TRPC6: variants seen among roughly 807,000 people sequenced by gnomAD.
TRPC6 encodes short transient receptor potential channel 6.
A neutral mutation model predicts 90.7 loss-of-function variants in TRPC6; 55 were observed. That is an observed-to-expected ratio of 0.61 (90% CI 0.49 to 0.76). The LOEUF (loss-of-function observed/expected upper bound fraction) is 0.76, where lower values mean the gene tolerates loss of function less well. Among genes scored for constraint, TRPC6 ranks in the 30% least tolerant of loss-of-function variants. TRPC6 has a pLI of 0.00. For missense variants in TRPC6, 989 were observed against 1,122.7 expected, an observed-to-expected ratio of 0.88 and a Z score of 1.70; for synonymous variants, 393 against 393.0, an observed-to-expected ratio of 1.00 and a Z score of 0.00.
At chr11:101,562,241 A>T (rs1163345032) in intron 1 of TRPC6, among the ~76,000 whole-genome samples, 1 of 152,204 alleles carries the variant, frequency 6.6e-6, no homozygotes, top group Non-Finnish European at 1.5e-5. Context: ...GTAACAGAAG[A>T]AAGGAATACA....
intron 1 of TRPC6, among the ~76,000 whole-genome samples, chr11:101,533,557 T>C (rs1860961985): frequency 6.6e-6 from 1 of 151,924 alleles, no homozygotes; most frequent in Non-Finnish European, 1.5e-5. Context: ...CAGGGACAAA[T>C]ATGCAAACCA....
Position 101,504,796 on chromosome 11 carries a change from C to G in TRPC6, c.173G>C (p.Arg58Pro). 6.2e-7 allele frequency: 1 copy of G among 1,611,296 alleles called. No individual in the cohort carries two copies. Among genetic ancestry groups the G allele is most frequent in the Non-Finnish European group, 8.5e-7 (1 of 1,178,878 alleles). ...GTGAGCCAGTCTGTTGTCAGATCCC[C>G]GGCTGCAATAAAACAGAAAGATTGT... ...LPCYGYYPCFRGSDNRLAHRR... is the reference protein window; with the variant it reads ...LPCYGYYPCFPGSDNRLAHRR... Residue 58 changes from arginine (R) to proline (P), a missense_variant and splice_region_variant, in exon 2 of 13, where the codon CGG becomes CCG. Physicochemically the swap from Arg to Pro is moderately radical, Grantham distance 103. Coordinates refer to ENST00000344327, the MANE Select transcript of TRPC6 (RefSeq NM_004621.6).
intron 4 of TRPC6, among the ~76,000 whole-genome samples, chr11:101,484,998 T>C (rs1457928340): frequency 6.6e-6 from 1 of 152,100 alleles, no homozygotes; most frequent in Non-Finnish European, 1.5e-5. Flanking sequence ...TTCAATATCC[T>C]GTTTATAGAA....
At chr11:101,534,487 A>G (rs7931676) in intron 1 of TRPC6, among the ~76,000 whole-genome samples, 33,418 of 151,984 alleles carry the variant, frequency 0.22, 4,770 homozygotes, top group Non-Finnish European at 0.32. Context: ...CTAAAGTATC[A>G]TTTCAAGATA....
intron 1 of TRPC6, among the ~76,000 whole-genome samples, chr11:101,529,654 G>A (rs1352056331): frequency 6.6e-6 from 1 of 152,176 alleles, no homozygotes; most frequent in East Asian, 1.9e-4. Flanking sequence ...CTATGTACAG[G>A]CCAGGTACAA....
At chr11:101,504,830 C>G (rs1428772769) in intron 1 of TRPC6, 32 bp from the exon 2 acceptor site, 1 of 1,609,212 alleles carries the variant, frequency 6.2e-7, no homozygotes, top group Non-Finnish European at 8.5e-7. Context: ...GTAAACAAAT[C>G]ACATTAAGAG....
At chr11:101,548,273 A>ATATATAT (rs60683926) in intron 1 of TRPC6, among the ~76,000 whole-genome samples, 3 of 136,146 alleles carry the variant, frequency 2.2e-5, no homozygotes, top group African/African-American at 2.7e-5. Flanking sequence ...ATATATATAT[A>ATATATAT]ATTTATATAT....
intron 1 of TRPC6, among the ~76,000 whole-genome samples, chr11:101,510,628 ACCACC>A: frequency 6.6e-6 from 1 of 152,268 alleles, no homozygotes; most frequent in African/African-American, 2.4e-5. Flanking sequence ...GTAATTAGCC[ACCACC>A]CCTATGGCAC....
At chr11:101,473,861 A>G (rs1452929276) in intron 6 of TRPC6, 88 bp from the exon 7 acceptor site, 1 of 1,585,242 alleles carries the variant, frequency 6.3e-7, no homozygotes, top group South Asian at 1.1e-5. Context: ...AAATATAGTT[A>G]TGTTAGAATC....
At position 101,452,867 on chromosome 11, in the gene TRPC6, G is replaced by A. The variant is rs1209285941; in HGVS notation, c.*88C>T. The A allele has an allele frequency of 6.8e-7, 1 of 1,463,486 alleles. No homozygotes were observed. The highest frequency in any genetic ancestry group is 1.4e-5 in the African/African-American group (1 of 71,236). 90.7% of individuals were successfully genotyped at this position (1,463,486 alleles called of 1,614,324 possible). ...TTTAACGTTTTCTTGTTTAAAAGGTGGGCCCATTGGCACTTAAGAAAATAA... is the reference window on the plus strand; with the variant it reads ...TTTAACGTTTTCTTGTTTAAAAGGTAGGCCCATTGGCACTTAAGAAAATAA... On this transcript the variant is annotated 3_prime_UTR_variant, in exon 13 of 13. Coordinates refer to ENST00000344327, the MANE Select transcript of TRPC6 (RefSeq NM_004621.6).
chr11:101,478,681 C>G (rs1859472947), intron 5 of TRPC6, among the ~76,000 whole-genome samples: 1 of 152,164 alleles, frequency 6.6e-6, no homozygotes, highest in Admixed American at 6.5e-5. Context: ...AAGCTTGCCC[C>G]AGGCAGGAGA....
At chr11:101,558,152 C>T (rs997464816) in intron 1 of TRPC6, among the ~76,000 whole-genome samples, 7 of 150,936 alleles carry the variant, frequency 4.6e-5, no homozygotes, top group African/African-American at 1.7e-4. Context: ...GAGCAAAGTA[C>T]TGGCAAATAC....
intron 1 of TRPC6, among the ~76,000 whole-genome samples, chr11:101,526,566 T>A (rs1017678000): frequency 2.6e-5 from 4 of 152,016 alleles, no homozygotes; most frequent in African/African-American, 9.7e-5. Flanking sequence ...GAAGATGATT[T>A]AATTAAATAG....
intron 1 of TRPC6, among the ~76,000 whole-genome samples, chr11:101,506,733 C>T (rs1290216064): frequency 6.6e-6 from 1 of 152,012 alleles, no homozygotes; most frequent in Non-Finnish European, 1.5e-5. Flanking sequence ...AAGAGAATAG[C>T]ATCTGTAACT....
chr11:101,476,163 A>T, intron 6 of TRPC6, 138 bp downstream of exon 6: 1 of 718,576 alleles, frequency 1.4e-6, no homozygotes, highest in Admixed American at 2.4e-5. Flanking sequence ...TCACATATAG[A>T]TGCTCATTCT....
chr11:101,464,847 G>A (rs1489054623), intron 10 of TRPC6, among the ~76,000 whole-genome samples: 1 of 152,090 alleles, frequency 6.6e-6, no homozygotes, highest in Non-Finnish European at 1.5e-5. Flanking sequence ...ATACTAGCTG[G>A]TTATTGTGCC....
intron 3 of TRPC6, among the ~76,000 whole-genome samples, chr11:101,490,291 G>T (rs1859774843): frequency 6.6e-6 from 1 of 152,110 alleles, no homozygotes; most frequent in Non-Finnish European, 1.5e-5. Flanking sequence ...ATATAAAGTT[G>T]TCCAAGAAAG....
At chr11:101,507,708 AT>A (rs1348671444) in intron 1 of TRPC6, among the ~76,000 whole-genome samples, 1 of 152,132 alleles carries the variant, frequency 6.6e-6, no homozygotes, top group Non-Finnish European at 1.5e-5. Context: ...ATTGAGAAGC[AT>A]GATGCAATTT....
intron 1 of TRPC6, among the ~76,000 whole-genome samples, chr11:101,510,962 A>G (rs1860381239): frequency 6.6e-6 from 1 of 152,210 alleles, no homozygotes; most frequent in Admixed American, 6.5e-5. Context: ...TTTAAAGCGC[A>G]ATTCTATTAC....
Sources: allele counts gnomAD v4.1 joint callset (sites outside exome capture counted in the v4.1 genomes callset), GRCh38; gene constraint gnomAD v4.1.1; transcripts MANE v1.5; gene names NCBI Gene and HGNC (gene_info 2026-07-23, HGNC 2026-07-21).